The following CEMIP2 variants were observed in gnomAD, a reference collection of about 807,000 sequenced individuals.
CEMIP2 encodes the protein cell migration inducing hyaluronidase 2, also known as cell surface hyaluronidase CEMIP2.
Under a neutral mutation model 146.9 loss-of-function variants are expected in CEMIP2, and 79 were observed. The ratio of observed to expected loss-of-function variants is 0.54; its 90% CI spans 0.45 to 0.65. The LOEUF is 0.65. Ranked by LOEUF, CEMIP2 falls within the 30% of genes least tolerant of loss-of-function variation. The pLI is 0.00. For missense variants in CEMIP2, 1,596 were observed against 1,696.2 expected, an observed-to-expected ratio of 0.94 and a Z score of 1.04; for synonymous variants, 601 against 606.3, an observed-to-expected ratio of 0.99 and a Z score of 0.13.
rs993676252 is a variant in CEMIP2, at chr9:71,684,950, G to C, written c.*247C>G. On this transcript the variant is annotated 3_prime_UTR_variant, in exon 24 of 24. Coordinates refer to ENST00000377044, the MANE Select transcript of CEMIP2 (RefSeq NM_013390.3). ...ACAAAATACGGGGGTGGAAAGTGAGGAATAAGAGATCTGCTCTCTGAATAC... is the reference window on the plus strand; with the variant it reads ...ACAAAATACGGGGGTGGAAAGTGAGCAATAAGAGATCTGCTCTCTGAATAC... 1 of 425,540 alleles carries C rather than the reference G, an allele frequency of 2.3e-6. No individual in the cohort carries two copies. The highest frequency in any genetic ancestry group is 2.0e-5 in the African/African-American group (1 of 49,246). The allele number at this position is 425,540 out of a possible 1,614,324, so 26.4% of individuals were successfully genotyped here. A position where few individuals can be genotyped will look rare whatever the true frequency, so the allele number is the denominator to read the frequency against.
At chr9:71,756,506 T>TCACA (rs1554689412) in intron 1 of CEMIP2, among the ~76,000 whole-genome samples, 238 of 112,528 alleles carry the variant, frequency 2.1e-3, no homozygotes, top group African/African-American at 7.3e-3. Context: ...TCTCTCTCTC[T>TCACA]CACACACACA....
At chr9:71,746,463 G>A in intron 2 of CEMIP2, 122 bp from the exon 3 acceptor site, 1 of 1,190,622 alleles carries the variant, frequency 8.4e-7, no homozygotes, top group South Asian at 1.5e-5. Context: ...TTGATTTCCT[G>A]CCATTAGAAT....
intron 18 of CEMIP2, 168 bp downstream of exon 18, chr9:71,704,427 A>T: frequency 1.5e-6 from 1 of 658,010 alleles, no homozygotes; most frequent in Non-Finnish European, 2.6e-6. Flanking sequence ...TTCAATTTGT[A>T]TAATCTCTTT....
intron 2 of CEMIP2, among the ~76,000 whole-genome samples, chr9:71,747,679 AG>A (rs1824127457): frequency 6.6e-6 from 1 of 152,160 alleles, no homozygotes. Context: ...AAAAGTAGAG[AG>A]GTAGGGTGCT....
intron 5 of CEMIP2, among the ~76,000 whole-genome samples, chr9:71,736,283 T>C (rs1303562837): frequency 6.6e-6 from 1 of 152,190 alleles, no homozygotes; most frequent in Non-Finnish European, 1.5e-5. Flanking sequence ...CTCTCTCCGG[T>C]ATTCTCTCGG....
At chr9:71,704,250 T>C (rs1256089029) in intron 18 of CEMIP2, among the ~76,000 whole-genome samples, 1 of 152,180 alleles carries the variant, frequency 6.6e-6, no homozygotes, top group African/African-American at 2.4e-5. Flanking sequence ...AAAAATCTTT[T>C]AATTTTTCAG....
In CEMIP2 at chr9:71,697,973, A is replaced by G. The variant is rs2131872673; in HGVS notation, c.3597+12T>C. On this transcript the variant is annotated intron_variant, in intron 20 of 23. Transcript: ENST00000377044. ...TCTCCTTGGCCACAGACCACTTTTC[A>G]TCCTTGTTTACCTGCCGAGTGCCAC... 6.2e-7 allele frequency: 1 copy of G among 1,611,172 alleles called. No individual in the cohort carries two copies. Among genetic ancestry groups the G allele is most frequent in the Non-Finnish European group, 8.5e-7 (1 of 1,178,526 alleles).
At chr9:71,690,327 C>T (rs1433935519) in intron 21 of CEMIP2, 81 bp from the exon 22 acceptor site, 2 of 1,499,748 alleles carry the variant, frequency 1.3e-6, no homozygotes, top group East Asian at 4.8e-5. Flanking sequence ...GGCCCTTTCC[C>T]TGTGTCTTCT....
rs866621731 is a variant in CEMIP2 at position 71,726,370 on chromosome 9, A to G, written c.2050-661T>C. On this transcript the variant is annotated intron_variant, in intron 10 of 23. Coordinates refer to ENST00000377044, the MANE Select transcript of CEMIP2 (RefSeq NM_013390.3). ...GAAATAAATGTTAATTCCCATGACA[A>G]ATCTTTATTTTACAACTCAATTAAA... Among the ~76,000 whole-genome samples the G allele has an allele frequency of 1.4e-4, 21 of 152,344 alleles. 1 individual carries two copies. In the Middle Eastern group the frequency reaches 0.014, roughly 99 times the overall value.
chr9:71,760,359 AGCT>A (rs923942987), intron 1 of CEMIP2, among the ~76,000 whole-genome samples: 5 of 152,234 alleles, frequency 3.3e-5, no homozygotes, highest in Admixed American at 6.5e-5. Context: ...CAAAACAAAG[AGCT>A]GCTATTTATA....
At chr9:71,709,765 G>C (rs930066688) in intron 16 of CEMIP2, among the ~76,000 whole-genome samples, 1 of 152,170 alleles carries the variant, frequency 6.6e-6, no homozygotes, top group African/African-American at 2.4e-5. Context: ...ACTATTACCT[G>C]TTCTCCAGAC....
At chr9:71,693,050 A>C (rs955401405) in intron 21 of CEMIP2, among the ~76,000 whole-genome samples, 1 of 152,204 alleles carries the variant, frequency 6.6e-6, no homozygotes, top group Non-Finnish European at 1.5e-5. Flanking sequence ...CAACAATATG[A>C]ATGGACTTCA....
intron 1 of CEMIP2, among the ~76,000 whole-genome samples, chr9:71,755,582 G>A (rs1824412163): frequency 6.6e-6 from 1 of 151,584 alleles, no homozygotes; most frequent in South Asian, 2.1e-4. Flanking sequence ...ATAAAGGAGA[G>A]GCATGATTTT....
At position 71,748,238 on chromosome 9, in the gene CEMIP2, G is replaced by C. The variant is rs72737996; in HGVS notation, c.331+1805C>G. Among the ~76,000 whole-genome samples the C allele has an allele frequency of 4.6e-3, 699 of 152,270 alleles. 41 individuals are homozygous for C. The South Asian group carries it at 0.12, about 27-fold the overall frequency. ...GAACCATCACCAAAAATTCCAGTCT[G>C]TTTCCTTCCAGTAAAATGCACTTAA... On this transcript the variant is annotated intron_variant, in intron 2 of 23. Transcript: ENST00000377044.
chr9:71,731,035 G>A (rs1381911430), intron 7 of CEMIP2, 121 bp from the exon 8 acceptor site: 23 of 802,356 alleles, frequency 2.9e-5, no homozygotes, highest in Non-Finnish European at 4.5e-5. Flanking sequence ...ATTTTCTTTT[G>A]CATCCTGTTT....
intron 1 of CEMIP2, among the ~76,000 whole-genome samples, chr9:71,767,825 G>A (rs1824842434): frequency 6.6e-6 from 1 of 152,116 alleles, no homozygotes. Flanking sequence ...GGGGGCGGAG[G>A]GCGGAGGACC....
At chr9:71,746,496 A>C (rs1206196375) in intron 2 of CEMIP2, among the ~76,000 whole-genome samples, 155 bp from the exon 3 acceptor site, 11 of 151,480 alleles carry the variant, frequency 7.3e-5, no homozygotes, top group Non-Finnish European at 1.6e-4. Flanking sequence ...CCTTCCCACC[A>C]GCAGAGAACC....
chr9:71,708,767 T>C (rs1324451281), intron 17 of CEMIP2, among the ~76,000 whole-genome samples: 1 of 152,228 alleles, frequency 6.6e-6, no homozygotes, highest in African/African-American at 2.4e-5. Context: ...ATTCCTTTCT[T>C]GTCCACTCAC....
At chr9:71,759,602 T>A (rs1472228036) in intron 1 of CEMIP2, among the ~76,000 whole-genome samples, 5 of 152,106 alleles carry the variant, frequency 3.3e-5, no homozygotes, top group Non-Finnish European at 5.9e-5. Context: ...GAGGAGGAAT[T>A]CTATTGAGGG....
Sources: allele counts gnomAD v4.1 joint callset (sites outside exome capture counted in the v4.1 genomes callset), GRCh38; gene constraint gnomAD v4.1.1; transcripts MANE v1.5; gene names NCBI Gene and HGNC (gene_info 2026-07-23, HGNC 2026-07-21).